NTM: variants seen among roughly 807,000 people sequenced by gnomAD.
NTM encodes the protein IgLON family member 2.
In NTM, 13 loss-of-function variants were observed where a neutral mutation model predicts 42.1. The ratio of observed to expected loss-of-function variants is 0.31; its 90% CI spans 0.20 to 0.49. NTM has a LOEUF of 0.49. Ranked by LOEUF, NTM falls within the 20% of genes least tolerant of loss-of-function variation. The probability of loss-of-function intolerance (pLI) is 0.99; values close to 1 mark genes in which losing one functional copy is unlikely to be tolerated. For synonymous variants in NTM, 187 were observed against 179.2 expected, an observed-to-expected ratio of 1.04 and a Z score of -0.35; for missense variants, 373 against 452.8, an observed-to-expected ratio of 0.82 and a Z score of 1.60.
Position 131,701,817 on chromosome 11 carries a change from G to A in NTM, c.83-209747G>A, listed in dbSNP as rs191317209. 4.0e-3 allele frequency among the ~76,000 whole-genome samples: 612 copies of A among 152,290 alleles called. 6 individuals are homozygous for A. The highest frequency in any genetic ancestry group is 0.014 in the African/African-American group (563 of 41,562). ...GAAGGCCAGGAAAGCCAAGGGAGGG[G>A]TGGAAATAGGGGTGGAGGGGTAGAT... On this transcript the variant is annotated intron_variant, in intron 1 of 8. Transcript: ENST00000683400.
At chr11:132,245,269 G>A (rs1185562591) in intron 4 of NTM, among the ~76,000 whole-genome samples, 4 of 152,096 alleles carry the variant, frequency 2.6e-5, no homozygotes, top group Non-Finnish European at 4.4e-5. Flanking sequence ...CTGTCCAGGC[G>A]GGGGAGAGGT....
chr11:131,598,723 CTTTCTTTCT>C (rs1388966654), intron 1 of NTM, among the ~76,000 whole-genome samples: 1 of 90,966 alleles, frequency 1.1e-5, no homozygotes, highest in Admixed American at 1.2e-4. Context: ...TTCTTTCTTT[CTTTCTTTCT>C]TTCTTTCTTT....
chr11:131,772,145 G>A lies in NTM; in HGVS notation c.83-139419G>A, dbSNP rs540350304. On this transcript the variant is annotated intron_variant, in intron 1 of 8. Coordinates refer to ENST00000683400, the MANE Select transcript of NTM (RefSeq NM_001352005.2). Reference sequence around the variant, plus strand: ...CCTGATTTGAGTAGACACAGTCTCTGCCCTCAGGGAGCTTGTGATCTGAAG... The same window carrying A: ...CCTGATTTGAGTAGACACAGTCTCTACCCTCAGGGAGCTTGTGATCTGAAG... 2.6e-5 allele frequency among the ~76,000 whole-genome samples: 4 copies of A among 152,268 alleles called. No homozygotes were observed. In the South Asian group the frequency reaches 8.3e-4, roughly 32 times the overall value.
At chr11:131,822,747 C>T (rs2093244318) in intron 1 of NTM, among the ~76,000 whole-genome samples, 1 of 151,994 alleles carries the variant, frequency 6.6e-6, no homozygotes, top group Non-Finnish European at 1.5e-5. Flanking sequence ...AATGATATTC[C>T]ATAGGATAGG....
rs566525065 is a variant in NTM, at chr11:131,994,017, A to AAATAG, written c.167+82371_167+82372insTAGAA. Among the ~76,000 whole-genome samples the AAATAG allele has an allele frequency of 2.9e-5, 4 of 138,010 alleles. No homozygotes were observed. In the East Asian group the frequency reaches 8.4e-4, roughly 29 times the overall value. 90.5% of individuals were successfully genotyped at this position (138,010 alleles called of 152,430 possible). On this transcript the variant is annotated intron_variant, in intron 2 of 8. Transcript: ENST00000683400. ...AAACTCCATCTCCAAAAAAAAAAAA[A>AAATAG]AAGAAGAAGAAGAAGAAGAACAAAG...
chr11:131,750,470 C>T (rs2082353017), intron 1 of NTM, among the ~76,000 whole-genome samples: 1 of 152,220 alleles, frequency 6.6e-6, no homozygotes, highest in African/African-American at 2.4e-5. Flanking sequence ...TGGTTCCAAC[C>T]ACCATACAGG....
intron 4 of NTM, among the ~76,000 whole-genome samples, chr11:132,274,250 G>T (rs1298637916): frequency 6.6e-6 from 1 of 151,238 alleles, no homozygotes; most frequent in Middle Eastern, 3.2e-3. Flanking sequence ...CTTTCTGCCT[G>T]GTTTAGGCTT....
At chr11:131,601,014 G>A (rs541773988) in intron 1 of NTM, among the ~76,000 whole-genome samples, 5 of 152,246 alleles carry the variant, frequency 3.3e-5, no homozygotes, top group East Asian at 3.9e-4. Flanking sequence ...AGTACTGCTC[G>A]GAGCTGGATT....
chr11:131,725,691 A>G (rs865896344), intron 1 of NTM, among the ~76,000 whole-genome samples: 1 of 152,228 alleles, frequency 6.6e-6, no homozygotes, highest in African/African-American at 2.4e-5. Flanking sequence ...CAATGCACCT[A>G]TAGGGCCTTG....
chr11:131,559,079 T>G (rs907902892), intron 1 of NTM, among the ~76,000 whole-genome samples: 3 of 152,190 alleles, frequency 2.0e-5, no homozygotes, highest in Admixed American at 6.5e-5. Flanking sequence ...AATTGAAGGA[T>G]TCATTATGGA....
At chr11:132,280,475 CTTTTTTTTTTTTTTT>C (rs138697534) in intron 4 of NTM, among the ~76,000 whole-genome samples, 7 of 82,442 alleles carry the variant, frequency 8.5e-5, no homozygotes, top group East Asian at 5.8e-4. Flanking sequence ...ATACTCTCTT[CTTTTTTTTTTTTTTT>C]TTTTTTTTTT....
At position 131,556,669 on chromosome 11, in the gene NTM, G is replaced by C. The variant is rs763724563; in HGVS notation, c.82+185781G>C. On this transcript the variant is annotated intron_variant, in intron 1 of 8. Coordinates refer to ENST00000683400, the MANE Select transcript of NTM (RefSeq NM_001352005.2). ...TGAAACCTTCGCCTCCCAGGTTTAA[G>C]TGATTCTTCTGCCTCAGCCTCCCAA... Among the ~76,000 whole-genome samples the C allele has an allele frequency of 7.3e-5, 11 of 149,930 alleles. 1 individual carries two copies. The highest frequency in any genetic ancestry group is 9.8e-5 in the African/African-American group (4 of 40,800).
At chr11:131,601,350 A>G (rs1400405332) in intron 1 of NTM, among the ~76,000 whole-genome samples, 1 of 152,222 alleles carries the variant, frequency 6.6e-6, no homozygotes, top group Non-Finnish European at 1.5e-5. Flanking sequence ...TGGCAGAGTC[A>G]TCTGACCTCT....
At chr11:131,495,198 C>G (rs1287461831) in intron 1 of NTM, among the ~76,000 whole-genome samples, 1 of 152,200 alleles carries the variant, frequency 6.6e-6, no homozygotes, top group Non-Finnish European at 1.5e-5. Context: ...CACATAGCCG[C>G]TAGTTCCCAG....
chr11:131,667,473 T>A (rs891868657), intron 1 of NTM, among the ~76,000 whole-genome samples: 14 of 152,186 alleles, frequency 9.2e-5, no homozygotes, highest in Admixed American at 3.9e-4. Context: ...GCTTTGTATG[T>A]AAGCATTCAT....
chr11:131,696,785 G>GCACACACA (rs34907087), intron 1 of NTM, among the ~76,000 whole-genome samples: 6,712 of 147,804 alleles, frequency 0.045, 487 homozygotes, highest in African/African-American at 0.16. Flanking sequence ...ACCCACGCAT[G>GCACACACA]CACACACACA....
chr11:131,962,059 G>T (rs538768277), intron 2 of NTM, among the ~76,000 whole-genome samples: 3 of 152,062 alleles, frequency 2.0e-5, no homozygotes, highest in Non-Finnish European at 2.9e-5. Flanking sequence ...GGCCTAGGTG[G>T]TTTGTGGGTG....
intron 1 of NTM, among the ~76,000 whole-genome samples, chr11:131,488,552 T>C (rs1225392783): frequency 2.0e-5 from 3 of 152,178 alleles, no homozygotes; most frequent in Non-Finnish European, 4.4e-5. Flanking sequence ...CCAGCCCAGA[T>C]TCAAGAAAAA....
intron 4 of NTM, among the ~76,000 whole-genome samples, chr11:132,217,197 C>T (rs780543839): frequency 1.3e-5 from 2 of 152,058 alleles, no homozygotes. Context: ...AAGGCAATCC[C>T]GATATCACCT....
Sources: gnomAD v4.1 joint callset for allele counts (sites outside exome capture counted in the v4.1 genomes callset) on GRCh38, gnomAD v4.1.1 for gene constraint, MANE v1.5 for transcripts, NCBI Gene and HGNC (gene_info 2026-07-23, HGNC 2026-07-21) for gene names.